The following UBE2D3 variants were observed in gnomAD, a reference collection of about 807,000 sequenced individuals.
The protein encoded by UBE2D3 is ubiquitin-conjugating enzyme E2 D3.
UBE2D3 carries 2 observed loss-of-function variants against 22.8 expected under a neutral mutation model. The ratio of observed to expected loss-of-function variants is 0.09; its 90% CI spans 0.04 to 0.28. UBE2D3 has a LOEUF of 0.28. Among genes scored for constraint, UBE2D3 ranks in the 10% least tolerant of loss-of-function variants. The pLI is 1.00. For missense variants in UBE2D3, 27 were observed against 182.5 expected (o/e 0.15, Z 4.91); for synonymous variants, 56 against 60.4 (o/e 0.93, Z 0.34).
Position 102,814,170 on chromosome 4 carries a change from T to C in UBE2D3, c.25-4315A>G, listed in dbSNP as rs186332827. On this transcript the variant is annotated intron_variant, in intron 2 of 7. Coordinates refer to ENST00000453744, the MANE Select transcript of UBE2D3 (RefSeq NM_181891.3). ...AAATTCATATCGCAGTTCAACAATC[T>C]GTAAAAGAAACTACATGGCTTTTGG... Among the ~76,000 whole-genome samples, 27 of 152,254 alleles carry C rather than the reference T, an allele frequency of 1.8e-4. No individual in the cohort carries two copies. The East Asian group carries it at 4.8e-3, about 27-fold the overall frequency.
At chr4:102,817,581 T>G (rs950307309) in intron 2 of UBE2D3, among the ~76,000 whole-genome samples, 1 of 152,188 alleles carries the variant, frequency 6.6e-6, no homozygotes, top group Non-Finnish European at 1.5e-5. Context: ...AGGGTGTCCT[T>G]GCAAAGATAA....
In UBE2D3 at chr4:102,826,655, A is replaced by T; in HGVS notation, c.-128-19T>A. On this transcript the variant is annotated intron_variant, in intron 1 of 7. Transcript: ENST00000453744. ...CAGGCGCCTTTTGCAAAAACGGAGC[A>T]GATCAGCACTCGCACAGGCCCCGAA... 1 of 1,551,376 alleles carries T rather than the reference A, an allele frequency of 6.4e-7. No individual in the cohort carries two copies. The highest frequency in any genetic ancestry group is 1.4e-5 in the African/African-American group (1 of 72,694).
At chr4:102,817,427 G>A (rs1008339599) in intron 2 of UBE2D3, among the ~76,000 whole-genome samples, 3 of 152,184 alleles carry the variant, frequency 2.0e-5, no homozygotes, top group Non-Finnish European at 4.4e-5. Flanking sequence ...CTGTTTTACA[G>A]TTGAGTCCCT....
chr4:102,867,714 C>T (rs945435741), intron 1 of UBE2D3, among the ~76,000 whole-genome samples: 1 of 152,048 alleles, frequency 6.6e-6, no homozygotes, highest in Non-Finnish European at 1.5e-5. Context: ...CAGAAGGATC[C>T]CTTAAGCCGG....
intron 5 of UBE2D3, chr4:102,801,969 A>T (rs1326725068): frequency 6.3e-6 from 1 of 157,572 alleles, no homozygotes; most frequent in African/African-American, 2.4e-5. Context: ...CATAAAACAT[A>T]AACTTGAATC....
At chr4:102,822,259 CTAT>C (rs1219255507) in intron 2 of UBE2D3, among the ~76,000 whole-genome samples, 1 of 152,178 alleles carries the variant, frequency 6.6e-6, no homozygotes, top group African/African-American at 2.4e-5. Context: ...TACTGAGGTC[CTAT>C]TATTATCAGC....
At chr4:102,799,020 A>G in intron 7 of UBE2D3, 2 of 1,539,010 alleles carry the variant, frequency 1.3e-6, no homozygotes, top group Non-Finnish European at 1.8e-6. Flanking sequence ...AACATATGAA[A>G]GTTATAATGG....
intron 1 of UBE2D3, among the ~76,000 whole-genome samples, chr4:102,840,828 A>G (rs1731708757): frequency 1.3e-5 from 2 of 152,138 alleles, no homozygotes; most frequent in Admixed American, 6.5e-5. Context: ...AAACTATTAT[A>G]TATCGATTTT....
At position 102,826,628 on chromosome 4, in the gene UBE2D3, C is replaced by T; in HGVS notation, c.-120G>A. ...CTCGTCTCACACCAGCTCTGCCAGA[C>T]ACAGGCGCCTTTTGCAAAAACGGAG... On this transcript the variant is annotated 5_prime_UTR_variant, in exon 2 of 8. Coordinates refer to ENST00000453744, the MANE Select transcript of UBE2D3 (RefSeq NM_181891.3). 6.3e-7 allele frequency: 1 copy of T among 1,580,418 alleles called. No homozygotes were observed. The highest frequency in any genetic ancestry group is 8.5e-7 in the Non-Finnish European group (1 of 1,171,334).
rs1005119698 is a variant in UBE2D3 at position 102,847,969 on chromosome 4, A to G, written c.-129+20746T>C. ...ACCCACGTATGCCTAGCGTTCCATT[A>G]TTGGAACGCTAAGCATGTGGGAATT... On this transcript the variant is annotated intron_variant, in intron 1 of 7. Coordinates refer to the UBE2D3 transcript ENST00000338145. Among the ~76,000 whole-genome samples the G allele has an allele frequency of 2.0e-5, 3 of 152,090 alleles. 1 individual carries two copies. The highest frequency in any genetic ancestry group is 1.3e-4 in the Admixed American group (2 of 15,270).
intron 1 of UBE2D3, among the ~76,000 whole-genome samples, chr4:102,864,962 T>C (rs577181785): frequency 1.3e-5 from 2 of 152,326 alleles, no homozygotes; most frequent in African/African-American, 2.4e-5. Flanking sequence ...TAGTTGTCTG[T>C]ATGTAAAATA....
At chr4:102,825,956 T>C (rs556017903) in intron 2 of UBE2D3, 35 of 338,506 alleles carry the variant, frequency 1.0e-4, no homozygotes, top group African/African-American at 7.1e-4. Context: ...GAGTTTCTAC[T>C]AGACTCACTG....
At position 102,801,459 on chromosome 4, in the gene UBE2D3, G is replaced by C; in HGVS notation, c.299C>G (p.Ser100Cys). 1 of 1,604,964 alleles carries C rather than the reference G, an allele frequency of 6.2e-7. No individual in the cohort carries two copies. Among genetic ancestry groups the C allele is most frequent in the Non-Finnish European group, 8.5e-7 (1 of 1,174,734 alleles). ...RSQWSPALTI[S>C]KVLLSICSLL... ...ATTTCACTAGAAATATTTACCTTTA[G>C]AAATTGTTAAAGCAGGCGACCACTG... Residue 100 changes from serine (S) to cysteine (C), a missense_variant, in exon 6 of 8, where the codon TCT becomes TGT. Coordinates refer to ENST00000453744, the MANE Select transcript of UBE2D3 (RefSeq NM_181891.3).
At position 102,825,198 on chromosome 4, in the gene UBE2D3, T is replaced by TAA. The variant is rs1730267756; in HGVS notation, c.24+1285_24+1286dup. 1.2e-5 allele frequency: 12 copies of TAA among 977,030 alleles called. No individual in the cohort carries two copies. In the South Asian group the frequency reaches 5.2e-4, roughly 42 times the overall value. 60.5% of individuals were successfully genotyped at this position (977,030 alleles called of 1,614,324 possible). On this transcript the variant is annotated intron_variant, in intron 2 of 7. Coordinates refer to ENST00000453744, the MANE Select transcript of UBE2D3 (RefSeq NM_181891.3). The stretch of plus-strand genomic sequence containing the variant: ...TTGCCATTCCTCTCAGAACTCTTTT[T>TAA]AAAAAAGTAATCTATTAAAACCAAA...
intron 2 of UBE2D3, among the ~76,000 whole-genome samples, chr4:102,820,591 C>T (rs1200203456): frequency 6.6e-6 from 1 of 152,130 alleles, no homozygotes; most frequent in African/African-American, 2.4e-5. Flanking sequence ...TCGATCACCA[C>T]TGAAGGTAAA....
intron 6 of UBE2D3, among the ~76,000 whole-genome samples, chr4:102,800,927 A>G (rs1001549970): frequency 3.9e-5 from 6 of 152,170 alleles, no homozygotes; most frequent in African/African-American, 1.4e-4. Flanking sequence ...TTAAGAGACC[A>G]GAATTGATCT....
intron 1 of UBE2D3, among the ~76,000 whole-genome samples, chr4:102,839,947 C>A (rs909393914): frequency 6.6e-6 from 1 of 152,148 alleles, no homozygotes; most frequent in Non-Finnish European, 1.5e-5. Flanking sequence ...ACAAAAATAA[C>A]CCCATTAAAA....
In UBE2D3 at chr4:102,797,442, C is replaced by T. The variant is rs756281657; in HGVS notation, c.417G>A (p.Arg139=). ...ACATGGCATACTTCTGAGTCCATTC[C>T]CGAGATATTCTGTTGTACCTGTAAA... ...TDRDKYNRIS[R]EWTQKYAM is the part of the protein sequence containing the mutation. The change falls in exon 8 of 8, where the codon CGG becomes CGA. Residue 139 remains arginine, a synonymous_variant. Coordinates refer to ENST00000453744, the MANE Select transcript of UBE2D3 (RefSeq NM_181891.3). 1.9e-6 allele frequency: 3 copies of T among 1,606,898 alleles called. No homozygotes were observed. The highest frequency in any genetic ancestry group is 2.6e-6 in the Non-Finnish European group (3 of 1,175,460).
intron 2 of UBE2D3, chr4:102,810,111 T>G: frequency 2.4e-6 from 1 of 410,824 alleles, no homozygotes; most frequent in Non-Finnish European, 4.4e-6. Context: ...GCCAATCTCT[T>G]ACAAACCGAA....
Sources: allele counts gnomAD v4.1 joint callset (sites outside exome capture counted in the v4.1 genomes callset), GRCh38; gene constraint gnomAD v4.1.1; transcripts MANE v1.5; gene names NCBI Gene and HGNC (gene_info 2026-07-23, HGNC 2026-07-21).